The following MYO18B variants were observed in gnomAD, a reference collection of about 807,000 sequenced individuals.
The protein encoded by MYO18B is myosin XVIIIB.
MYO18B carries 204 observed loss-of-function variants against 273.0 expected under a neutral mutation model. That is an observed-to-expected ratio of 0.75 (90% CI 0.67 to 0.84). The LOEUF (loss-of-function observed/expected upper bound fraction) is 0.84. Among genes scored for constraint, MYO18B ranks in the 40% least tolerant of loss-of-function variants. MYO18B has a pLI of 0.00. For synonymous variants in MYO18B, 1,330 were observed against 1,305.7 expected (o/e 1.02, Z -0.40); for missense variants, 3,212 against 3,287.6 (o/e 0.98, Z 0.56).
chr22:25,814,012 A>G (rs2088882887), intron 12 of MYO18B, among the ~76,000 whole-genome samples: 1 of 152,206 alleles, frequency 6.6e-6, no homozygotes, highest in Non-Finnish European at 1.5e-5. Context: ...TTATTCATAA[A>G]GCTGGAATGC....
intron 1 of MYO18B, among the ~76,000 whole-genome samples, chr22:25,760,190 C>T (rs6004757): frequency 0.21 from 31,917 of 151,724 alleles, 3,436 homozygotes; most frequent in African/African-American, 0.24. Context: ...CTGAAGCAGG[C>T]GGATCATGAG....
At chr22:25,876,118 G>A in intron 23 of MYO18B, 71 bp from the exon 24 acceptor site, 1 of 1,503,234 alleles carries the variant, frequency 6.7e-7, no homozygotes, top group East Asian at 2.4e-5. Flanking sequence ...GCTACCCTCT[G>A]CCTCCTCTCC....
chr22:26,043,707 G>C, the MYO18B span, among the ~76,000 whole-genome samples: 13 of 151,888 alleles, frequency 8.6e-5, no homozygotes, highest in East Asian at 2.5e-3. Flanking sequence ...GTAAAGATGG[G>C]GTTTCAGCAT....
chr22:26,014,658 T>C (rs6004892), intron 42 of MYO18B, among the ~76,000 whole-genome samples: 5,326 of 152,298 alleles, frequency 0.035, 130 homozygotes, highest in African/African-American at 0.058. Context: ...CATTTTTTTT[T>C]CCAATGTACA....
chr22:25,861,275 C>G (rs2090727675), intron 21 of MYO18B, among the ~76,000 whole-genome samples: 1 of 152,112 alleles, frequency 6.6e-6, no homozygotes, highest in Non-Finnish European at 1.5e-5. Flanking sequence ...TCTATTTATC[C>G]TGTCATTCTA....
rs1933893882 is a variant in MYO18B at position 26,000,924 on chromosome 22, A to T, written c.6288-2341A>T. 2.6e-5 allele frequency among the ~76,000 whole-genome samples: 4 copies of T among 152,344 alleles called. No homozygotes were observed. The South Asian group carries it at 8.3e-4, about 32-fold the overall frequency. On this transcript the variant is annotated intron_variant, in intron 40 of 43. Coordinates refer to ENST00000335473, the MANE Select transcript of MYO18B (RefSeq NM_032608.7). ...GGGCAAAAGCAACCAGTGTGCAGAT[A>T]CTATAAAAATGTAGGATTAATAAGC...
chr22:25,851,034 T>C (rs528655784), intron 20 of MYO18B, among the ~76,000 whole-genome samples: 16 of 152,140 alleles, frequency 1.1e-4, no homozygotes, highest in African/African-American at 3.1e-4. Context: ...TCACATACAG[T>C]GTATGGGGTG....
At chr22:25,809,651 G>A (rs1429819703) in intron 12 of MYO18B, among the ~76,000 whole-genome samples, 1 of 152,118 alleles carries the variant, frequency 6.6e-6, no homozygotes, top group East Asian at 1.9e-4. Context: ...TGCTGGAATG[G>A]ATGGGGCTGT....
At chr22:25,855,285 CTTT>C (rs150338635) in intron 21 of MYO18B, among the ~76,000 whole-genome samples, 1 of 132,334 alleles carries the variant, frequency 7.6e-6, no homozygotes. Flanking sequence ...TTATCTCATT[CTTT>C]TTTTTTTTTT....
chr22:25,903,676 C>A lies in MYO18B; in HGVS notation c.4993C>A (p.Leu1665Ile), dbSNP rs1224538539. ...ACAGCTGAAGCAGCAGGTGGAGATG[C>A]TACAGGACCATAAACGGGAGCTGCT... is the stretch of plus-strand genomic sequence containing the variant. Reference protein sequence around the residue: ...ASQLKQQVEMLQDHKRELLGS... With the variant: ...ASQLKQQVEMIQDHKRELLGS... Residue 1665 changes from leucine to isoleucine, a missense_variant, in exon 31 of 44, where the codon CTA becomes ATA. By Grantham distance (5) the Leu-to-Ile change is conservative. Coordinates refer to ENST00000335473, the MANE Select transcript of MYO18B (RefSeq NM_032608.7). 3.7e-6 allele frequency: 6 copies of A among 1,609,864 alleles called. No individual in the cohort carries two copies. Among genetic ancestry groups the A allele is most frequent in the Non-Finnish European group, 5.1e-6 (6 of 1,178,160 alleles).
intron 3 of MYO18B, 144 bp from the exon 4 acceptor site, chr22:25,767,971 C>T (rs1249933126): frequency 3.8e-6 from 3 of 781,964 alleles, no homozygotes; most frequent in Admixed American, 2.8e-5. Context: ...CTTGGCCATG[C>T]CTGTTGGATT....
Position 25,879,655 on chromosome 22 carries a change from G to A in MYO18B, c.4314+1607G>A, listed in dbSNP as rs536785423. Reference sequence around the variant, plus strand: ...TCCAAGAAGGTCACTGCAAATTACAGATAGACTTCTAGACAAAGTCATATG... The same window carrying A: ...TCCAAGAAGGTCACTGCAAATTACAAATAGACTTCTAGACAAAGTCATATG... On this transcript the variant is annotated intron_variant, in intron 25 of 43. Transcript: ENST00000335473. Among the ~76,000 whole-genome samples the A allele has an allele frequency of 1.7e-4, 26 of 152,266 alleles. 1 individual carries two copies. The South Asian group carries it at 3.7e-3, about 22-fold the overall frequency.
At chr22:25,951,243 A>G (rs1194890153) in intron 37 of MYO18B, among the ~76,000 whole-genome samples, 1 of 152,258 alleles carries the variant, frequency 6.6e-6, no homozygotes, top group Non-Finnish European at 1.5e-5. Context: ...GACACTCAGT[A>G]TTAACCATCA....
chr22:25,785,767 G>A (rs1456166399), intron 11 of MYO18B, among the ~76,000 whole-genome samples: 1 of 152,182 alleles, frequency 6.6e-6, no homozygotes, highest in Non-Finnish European at 1.5e-5. Context: ...CACTTGTTAC[G>A]TAGGTGAACC....
At chr22:25,853,157 T>TCATC (rs1378648955) in intron 21 of MYO18B, among the ~76,000 whole-genome samples, 4 of 152,186 alleles carry the variant, frequency 2.6e-5, no homozygotes, top group Non-Finnish European at 5.9e-5. Flanking sequence ...ACCATCAATA[T>TCATC]CATCATCCTC....
At chr22:25,829,522 T>TAAAAAAA (rs55957728) in intron 15 of MYO18B, among the ~76,000 whole-genome samples, 3 of 139,386 alleles carry the variant, frequency 2.2e-5, no homozygotes, top group Admixed American at 7.0e-5. Context: ...TCTTTTTTCA[T>TAAAAAAA]AAAAAAAAAA....
At chr22:26,004,112 CAT>C (rs1006213739) in intron 41 of MYO18B, among the ~76,000 whole-genome samples, 10 of 151,512 alleles carry the variant, frequency 6.6e-5, no homozygotes, top group African/African-American at 1.9e-4. Flanking sequence ...CACATACACA[CAT>C]ATAAATAATA....
chr22:25,964,919 GAA>G (rs1055932825), intron 39 of MYO18B: 10 of 152,282 alleles, frequency 6.6e-5, no homozygotes, highest in South Asian at 6.2e-4. Context: ...ACCCTTGTAG[GAA>G]AAAAACCGGT....
chr22:25,868,398 GC>G lies in MYO18B; in HGVS notation c.3951+14del. 3 of 1,582,962 alleles carry G rather than the reference GC, an allele frequency of 1.9e-6. No individual in the cohort carries two copies. The highest frequency in any genetic ancestry group is 2.6e-6 in the Non-Finnish European group (3 of 1,163,874). The stretch of plus-strand genomic sequence containing the variant: ...GGGGCACAGCCAAGTGAGTAGAGCT[GC>G]TTTCTTACAACATTCGCCCATCACA... On this transcript the variant is annotated intron_variant, in intron 22 of 43. Coordinates refer to ENST00000335473, the MANE Select transcript of MYO18B (RefSeq NM_032608.7).
Sources: allele counts gnomAD v4.1 joint callset (sites outside exome capture counted in the v4.1 genomes callset), GRCh38; gene constraint gnomAD v4.1.1; transcripts MANE v1.5; gene names NCBI Gene and HGNC (gene_info 2026-07-23, HGNC 2026-07-21).